RELN: variants seen among roughly 807,000 people sequenced by gnomAD.
The protein encoded by RELN is reelin.
Under a neutral mutation model 427.6 loss-of-function variants are expected in RELN, and 108 were observed. The ratio of observed to expected loss-of-function variants is 0.25; its 90% CI spans 0.22 to 0.30. The LOEUF (loss-of-function observed/expected upper bound fraction) is 0.30, where lower values mean the gene tolerates loss of function less well. Ranked by LOEUF, RELN falls within the 10% of genes least tolerant of loss-of-function variation. The pLI, the probability that RELN is intolerant of heterozygous loss-of-function variation, is 1.00. For missense variants in RELN, 3,715 were observed against 4,302.8 expected, an observed-to-expected ratio of 0.86 and a Z score of 3.82; for synonymous variants, 1,524 against 1,513.4, an observed-to-expected ratio of 1.01 and a Z score of -0.16.
At position 103,545,188 on chromosome 7, in the gene RELN, G is replaced by A. The variant is rs1221972784; in HGVS notation, c.6459C>T (p.Gly2153=). ...TTATTTTACAGGTTGGACCTGAGTA[G>A]CCAGGGTCACATATACATTTGGTTC... ...INGTKCICDP[G]YSGPTCKIST... is the part of the protein sequence containing the mutation. Residue 2153 remains glycine (G), a synonymous_variant, in exon 42 of 65, where the codon GGC becomes GGT. Transcript: ENST00000428762. The A allele has an allele frequency of 6.2e-7, 1 of 1,614,118 alleles. No homozygotes were observed.
chr7:103,540,741 G>T (rs1405161238), intron 43 of RELN, among the ~76,000 whole-genome samples: 1 of 152,144 alleles, frequency 6.6e-6, no homozygotes, highest in Non-Finnish European at 1.5e-5. Flanking sequence ...CACACCCTTT[G>T]GCTCTTCTAT....
chr7:103,532,319 C>T (rs997254493), intron 46 of RELN, among the ~76,000 whole-genome samples: 6 of 152,120 alleles, frequency 3.9e-5, no homozygotes, highest in African/African-American at 1.4e-4. Flanking sequence ...GGAGGGAAAG[C>T]ATCAGGAAGA....
intron 5 of RELN, among the ~76,000 whole-genome samples, chr7:103,752,007 A>G: frequency 6.6e-6 from 1 of 152,344 alleles, no homozygotes; most frequent in East Asian, 1.9e-4. Flanking sequence ...TAACGCTTAA[A>G]GATCACTTGT....
intron 2 of RELN, among the ~76,000 whole-genome samples, chr7:103,909,742 T>A (rs1477065817): frequency 3.7e-5 from 1 of 26,832 alleles, no homozygotes; most frequent in Non-Finnish European, 6.6e-5. Flanking sequence ...TTAATATATA[T>A]AAATATATAT....
At chr7:103,819,472 C>G (rs1218370751) in intron 3 of RELN, among the ~76,000 whole-genome samples, 4 of 152,038 alleles carry the variant, frequency 2.6e-5, no homozygotes, top group Middle Eastern at 3.2e-3. Context: ...AACAACTTAA[C>G]TGTTTAAATA....
In RELN at chr7:103,496,650, C is replaced by T; in HGVS notation, c.9069G>A (p.Gln3023=). The stretch of plus-strand genomic sequence containing the variant: ...CAATTCCATTGCTGATCACAAAAGG[C>T]TGCCACCAGCGAAGTCGAGTTGTGT... ...LTNTTRLRWW[Q]PFVISNGIVV... The change falls in exon 56 of 65, where the codon CAG becomes CAA. Residue 3023 remains glutamine (Q), a synonymous_variant. Transcript: ENST00000428762. The T allele has an allele frequency of 6.2e-7, 1 of 1,614,178 alleles. No individual in the cohort carries two copies. The highest frequency in any genetic ancestry group is 8.5e-7 in the Non-Finnish European group (1 of 1,180,018).
chr7:103,558,136 C>A, intron 36 of RELN, 87 bp from the exon 37 acceptor site: 1 of 717,144 alleles, frequency 1.4e-6, no homozygotes, highest in Non-Finnish European at 2.6e-6. Flanking sequence ...CTTGCATTAG[C>A]TAAGTAATAA....
chr7:103,580,620 T>C (rs1831109135), intron 28 of RELN, among the ~76,000 whole-genome samples: 1 of 152,194 alleles, frequency 6.6e-6, no homozygotes, highest in Non-Finnish European at 1.5e-5. Context: ...AGGTGATTTT[T>C]AGTTACATGG....
At chr7:103,911,763 C>T in intron 2 of RELN, among the ~76,000 whole-genome samples, 1 of 128,820 alleles carries the variant, frequency 7.8e-6, no homozygotes, top group African/African-American at 3.0e-5. Flanking sequence ...AACAAAAAAC[C>T]AAACACCGCA....
chr7:103,535,156 A>G (rs1766449226), intron 46 of RELN, among the ~76,000 whole-genome samples, 160 bp downstream of exon 46: 1 of 152,188 alleles, frequency 6.6e-6, no homozygotes. Flanking sequence ...ACTGGTTTCT[A>G]TTTTACTCAT....
chr7:103,910,424 C>T lies in RELN; in HGVS notation c.337+6651G>A, dbSNP rs192585937. 3.0e-3 allele frequency among the ~76,000 whole-genome samples: 452 copies of T among 151,818 alleles called. 6 individuals carry two copies. The East Asian group carries it at 0.04, about 13-fold the overall frequency. On this transcript the variant is annotated intron_variant, in intron 2 of 64. Coordinates refer to ENST00000428762, the MANE Select transcript of RELN (RefSeq NM_005045.4). ...TTTATTTCCTTCTCCTGCCTAATTG[C>T]CCTGGCCAGAACTTCCAACACTATG...
intron 1 of RELN, among the ~76,000 whole-genome samples, chr7:103,920,321 G>A (rs1011843402): frequency 6.6e-5 from 10 of 151,990 alleles, no homozygotes; most frequent in South Asian, 2.1e-4. Flanking sequence ...TTTTATATTC[G>A]AACTACTTTT....
intron 52 of RELN, among the ~76,000 whole-genome samples, chr7:103,501,213 T>C (rs556554812): frequency 1.3e-5 from 2 of 152,330 alleles, no homozygotes; most frequent in South Asian, 4.1e-4. Flanking sequence ...CACAAATCTG[T>C]AACTTTCATA....
chr7:103,951,545 CT>C (rs1796331067), intron 1 of RELN, among the ~76,000 whole-genome samples: 1 of 152,198 alleles, frequency 6.6e-6, no homozygotes, highest in Non-Finnish European at 1.5e-5. Flanking sequence ...TCCTTTCACC[CT>C]AGTTTGCCAC....
intron 7 of RELN, among the ~76,000 whole-genome samples, chr7:103,724,184 G>A (rs761029309): frequency 4.0e-5 from 6 of 150,618 alleles, no homozygotes; most frequent in Admixed American, 2.0e-4. Context: ...TTTTTTTTTC[G>A]TTGTTTTGTT....
chr7:103,635,680 C>T, intron 18 of RELN, 94 bp from the exon 19 acceptor site: 1 of 1,012,724 alleles, frequency 9.9e-7, no homozygotes, highest in South Asian at 1.3e-5. Context: ...TATGTTTCTA[C>T]TCACCCCTCT....
intron 15 of RELN, among the ~76,000 whole-genome samples, chr7:103,651,089 C>G (rs983531982): frequency 6.6e-6 from 1 of 152,074 alleles, no homozygotes; most frequent in Non-Finnish European, 1.5e-5. Flanking sequence ...CCTAGCCCTA[C>G]ACACATTTAA....
chr7:103,857,413 C>T (rs138977293), intron 2 of RELN, among the ~76,000 whole-genome samples: 105 of 152,250 alleles, frequency 6.9e-4, no homozygotes, highest in African/African-American at 2.4e-3. Context: ...GTTGAATTGC[C>T]CTCTTTTAAG....
chr7:103,560,535 A>G (rs758058247), intron 36 of RELN, among the ~76,000 whole-genome samples: 4 of 152,184 alleles, frequency 2.6e-5, no homozygotes, highest in African/African-American at 7.2e-5. Flanking sequence ...AATCATAAAA[A>G]GTTATAGGAC....
Sources: allele counts gnomAD v4.1 joint callset (sites outside exome capture counted in the v4.1 genomes callset), GRCh38; gene constraint gnomAD v4.1.1; transcripts MANE v1.5; gene names NCBI Gene and HGNC (gene_info 2026-07-23, HGNC 2026-07-21).